HBS1L: variants seen among roughly 807,000 people sequenced by gnomAD.
The protein encoded by HBS1L is HBS1-like protein.
HBS1L carries 55 observed loss-of-function variants against 88.9 expected under a neutral mutation model. That is an observed-to-expected ratio of 0.62 (90% confidence interval 0.50 to 0.77). HBS1L has a LOEUF of 0.77. Among genes scored for constraint, HBS1L ranks in the 30% least tolerant of loss-of-function variants. The pLI is 0.00. For missense variants in HBS1L, 741 were observed against 829.3 expected (o/e 0.89, Z 1.31); for synonymous variants, 267 against 288.5 (o/e 0.93, Z 0.76).
intron 3 of HBS1L, among the ~76,000 whole-genome samples, chr6:135,040,617 T>C (rs933808386): frequency 1.2e-4 from 18 of 152,256 alleles, no homozygotes; most frequent in African/African-American, 4.3e-4. Flanking sequence ...GCCAAAGTGC[T>C]GGGATTACAA....
chr6:135,002,641 C>G (rs72972165), intron 5 of HBS1L, 93 bp downstream of exon 5: 56,172 of 690,520 alleles, frequency 0.081, 2,703 homozygotes, highest in Non-Finnish European at 0.1. Context: ...ATATATTATG[C>G]GAAATTGAAA....
Position 135,049,540 on chromosome 6 carries a change from C to T in HBS1L, c.109+1042G>A, listed in dbSNP as rs1777014040. ...CTATACCCAACCACAGGTAAATATA[C>T]TATTATACACTCTTTTTATACCATA... On this transcript the variant is annotated intron_variant, in intron 2 of 17. Transcript: ENST00000367837. Among the ~76,000 whole-genome samples the T allele has an allele frequency of 2.6e-5, 4 of 152,008 alleles. No homozygotes were observed. The South Asian group carries it at 8.3e-4, about 32-fold the overall frequency.
intron 15 of HBS1L, among the ~76,000 whole-genome samples, chr6:134,972,820 C>T (rs1338585125): frequency 2.0e-5 from 3 of 152,180 alleles, no homozygotes; most frequent in Non-Finnish European, 2.9e-5. Flanking sequence ...AAAAGATGTT[C>T]AGCATCTAAT....
At chr6:134,987,914 G>A in intron 8 of HBS1L, 123 bp from the exon 9 acceptor site, 6 of 715,800 alleles carry the variant, frequency 8.4e-6, no homozygotes, top group South Asian at 4.4e-5. Context: ...CCCCACCAAA[G>A]CAAATCAAAC....
intron 17 of HBS1L, among the ~76,000 whole-genome samples, chr6:134,965,917 A>G (rs1774300454): frequency 6.6e-6 from 1 of 152,196 alleles, no homozygotes; most frequent in South Asian, 2.1e-4. Flanking sequence ...AATTAAATAA[A>G]CTAGTTTTAG....
intron 15 of HBS1L, among the ~76,000 whole-genome samples, chr6:134,975,457 C>T (rs927027283): frequency 6.6e-6 from 1 of 152,070 alleles, no homozygotes; most frequent in Non-Finnish European, 1.5e-5. Context: ...CAAAGCAGTC[C>T]TAAGCAAAAA....
chr6:135,011,364 T>A (rs1043686590), intron 4 of HBS1L, among the ~76,000 whole-genome samples: 1 of 151,684 alleles, frequency 6.6e-6, no homozygotes, highest in African/African-American at 2.4e-5. Context: ...CACAAAAAAA[T>A]TTTCAATTAG....
intron 4 of HBS1L, among the ~76,000 whole-genome samples, chr6:135,028,836 G>A (rs1285269742): frequency 6.6e-6 from 1 of 151,962 alleles, no homozygotes; most frequent in Non-Finnish European, 1.5e-5. Flanking sequence ...CTTGCTAGCA[G>A]TAAATACAAC....
chr6:135,051,043 T>C (rs573772048), intron 1 of HBS1L, among the ~76,000 whole-genome samples: 50 of 152,122 alleles, frequency 3.3e-4, no homozygotes, highest in Non-Finnish European at 5.4e-4. Context: ...CTGACCAATA[T>C]GGTGAAACCC....
At chr6:134,995,338 T>C (rs11753673) in intron 7 of HBS1L, among the ~76,000 whole-genome samples, 47,693 of 151,814 alleles carry the variant, frequency 0.31, 7,882 homozygotes, top group Non-Finnish European at 0.37. Context: ...TTAAGGAACA[T>C]ACGGTGGTGA....
At chr6:135,021,597 T>C (rs1481218382) in intron 4 of HBS1L, among the ~76,000 whole-genome samples, 1 of 152,146 alleles carries the variant, frequency 6.6e-6, no homozygotes, top group Non-Finnish European at 1.5e-5. Context: ...TTTAAATACC[T>C]TACTAATGAT....
intron 4 of HBS1L, among the ~76,000 whole-genome samples, chr6:135,021,590 A>G (rs924482665): frequency 1.3e-5 from 2 of 152,144 alleles, no homozygotes; most frequent in African/African-American, 4.8e-5. Flanking sequence ...CCTAATTTTT[A>G]AATACCTTAC....
intron 13 of HBS1L, chr6:134,982,159 T>A (rs1208237624): frequency 9.4e-6 from 2 of 211,728 alleles, no homozygotes; most frequent in Non-Finnish European, 1.9e-5. Flanking sequence ...TCCAAATACA[T>A]CTGTGAGGTA....
chr6:135,020,390 T>C (rs1397284770), intron 4 of HBS1L, among the ~76,000 whole-genome samples: 1 of 151,988 alleles, frequency 6.6e-6, no homozygotes, highest in Non-Finnish European at 1.5e-5. Flanking sequence ...GTAGACATTA[T>C]TTTCTCATGG....
chr6:135,046,546 G>A (rs1046021211), intron 2 of HBS1L, among the ~76,000 whole-genome samples: 5 of 152,044 alleles, frequency 3.3e-5, no homozygotes, highest in African/African-American at 1.2e-4. Flanking sequence ...CTAAAAGAAA[G>A]AAAAGTTAAC....
At chr6:135,029,507 T>C (rs943785689) in intron 4 of HBS1L, among the ~76,000 whole-genome samples, 2 of 151,838 alleles carry the variant, frequency 1.3e-5, no homozygotes, top group African/African-American at 4.8e-5. Context: ...TATAAATAAA[T>C]GAAAAAACAT....
At chr6:134,990,587 T>A (rs557365929) in intron 8 of HBS1L, among the ~76,000 whole-genome samples, 1 of 152,348 alleles carries the variant, frequency 6.6e-6, no homozygotes, top group South Asian at 2.1e-4. Context: ...TGATTTTTGT[T>A]TTTTGAGGCA....
rs2114766630 is a variant in HBS1L at position 134,978,723 on chromosome 6, T to C, written c.1753A>G (p.Ile585Val). ...IKACTRFRAR[I>V]LIFNIEIPIT... ...GGAATTTCAATATTAAAGATGAGGA[T>C]TCGGGCTCTGAAACGAGTGCAAGCT... Residue 585 changes from isoleucine to valine, a missense_variant, in exon 15 of 18, where the codon ATC becomes GTC. Ile to Val is a conservative substitution (Grantham distance 29). Transcript: ENST00000367837. The C allele has an allele frequency of 6.2e-7, 1 of 1,609,576 alleles. No individual in the cohort carries two copies. The highest frequency in any genetic ancestry group is 2.2e-5 in the East Asian group (1 of 44,742).
intron 2 of HBS1L, 94 bp downstream of exon 2, chr6:135,050,488 T>C: frequency 2.8e-6 from 2 of 722,484 alleles, no homozygotes; most frequent in East Asian, 2.8e-5. Flanking sequence ...ATGTTATATA[T>C]TACAGTCTCA....
Sources: allele counts gnomAD v4.1 joint callset (sites outside exome capture counted in the v4.1 genomes callset), GRCh38; gene constraint gnomAD v4.1.1; transcripts MANE v1.5; gene names NCBI Gene and HGNC (gene_info 2026-07-23, HGNC 2026-07-21).